KRT28: variants seen among roughly 807,000 people sequenced by gnomAD.
KRT28 encodes the protein keratin, type I cytoskeletal 28.
A neutral mutation model predicts 48.1 loss-of-function variants in KRT28; 45 were observed. That is an observed-to-expected ratio of 0.94 (90% CI 0.74 to 1.20). The LOEUF (loss-of-function observed/expected upper bound fraction) is 1.20. Ranked by LOEUF, KRT28 falls within the 50% of genes most tolerant of loss-of-function variation. The pLI is 0.00. For synonymous variants in KRT28, 228 were observed against 227.4 expected (o/e 1.00, Z -0.03); for missense variants, 571 against 574.1 (o/e 0.99, Z 0.06).
Position 40,799,688 on chromosome 17 carries a change from G to T in KRT28, c.206C>A (p.Ala69Asp), listed in dbSNP as rs2143082035. Reference sequence around the variant, plus strand: ...GCTTCCAGCAAAGCCAATACAAGCAGCATTTCCAAGGGCACCACCAGCATG... The same window carrying T: ...GCTTCCAGCAAAGCCAATACAAGCATCATTTCCAAGGGCACCACCAGCATG... ...GSHAGGALGN[A>D]ACIGFAGSEG... Residue 69 changes from alanine to aspartate, a missense_variant, in exon 1 of 8, where the codon GCT (alanine) becomes GAT (aspartate). Transcript: ENST00000306658. The T allele has an allele frequency of 1.2e-6, 2 of 1,614,044 alleles. No individual in the cohort carries two copies. Among genetic ancestry groups the T allele is most frequent in the South Asian group, 1.1e-5 (1 of 91,066 alleles).
chr17:40,798,253 G>A lies in KRT28; in HGVS notation c.672C>T (p.Leu224=). ...CTCCTACCTCTTCGTGGTTCTTTTT[G>A]AGATATGTCATCTCCTCACTCAGAG... ...YESLSEEMTY[L]KKNHEEEMKA... is the part of the protein sequence containing the mutation. Residue 224 remains leucine, a synonymous_variant, in exon 3 of 8, where the codon CTC becomes CTT. Transcript: ENST00000306658. 6.2e-7 allele frequency: 1 copy of A among 1,605,142 alleles called. No homozygotes were observed. Among genetic ancestry groups the A allele is most frequent in the South Asian group, 1.1e-5 (1 of 90,820 alleles).
At chr17:40,797,964 C>T (rs1904655261) in intron 3 of KRT28, among the ~76,000 whole-genome samples, 1 of 152,092 alleles carries the variant, frequency 6.6e-6, no homozygotes, top group African/African-American at 2.4e-5. Flanking sequence ...AATCCTGGCC[C>T]TCATAGGCAT....
chr17:40,792,501 A>T lies in KRT28; in HGVS notation c.1321T>A (p.Ser441Thr), dbSNP rs757471236. ...ELDQRGKVLS[S>T]RIHSIEEKTS... ...TTTTCTTCAATGGAGTGAATCCTTGATGAAAGAACTTTACCACGTTGATCT... is the reference window on the plus strand; with the variant it reads ...TTTTCTTCAATGGAGTGAATCCTTGTTGAAAGAACTTTACCACGTTGATCT... Residue 441 changes from serine (S) to threonine (T), a missense_variant, in exon 8 of 8, where the codon TCA becomes ACA. Transcript: ENST00000306658. The T allele has an allele frequency of 8.7e-6, 14 of 1,613,454 alleles. No individual in the cohort carries two copies. Among genetic ancestry groups the T allele is most frequent in the Non-Finnish European group, 1.2e-5 (14 of 1,179,720 alleles).
rs1406849215 is a variant in KRT28, at chr17:40,799,654, T to TC, written c.239dup (p.Leu81ThrfsTer6). 6.2e-7 allele frequency: 1 copy of TC among 1,613,088 alleles called. No individual in the cohort carries two copies. The highest frequency in any genetic ancestry group is 1.3e-5 in the African/African-American group (1 of 74,598). On this transcript the variant is annotated frameshift_variant, in exon 1 of 8. Transcript: ENST00000306658. LOFTEE classifies it high-confidence loss of function. ...TCACCTTCTCATTTCCAGAGAGGAG[T>TC]CCCCCTTCGCTTCCAGCAAAGCCAA...
chr17:40,793,933 G>C lies in KRT28; in HGVS notation c.1092C>G (p.Thr364=), dbSNP rs756835671. The C allele has an allele frequency of 1.2e-6, 2 of 1,613,924 alleles. No homozygotes were observed. Among genetic ancestry groups the C allele is most frequent in the Middle Eastern group, 3.3e-4 (2 of 6,056 alleles). The change falls in exon 6 of 8, where the codon ACC becomes ACG. Residue 364 remains threonine, a synonymous_variant. Coordinates refer to ENST00000306658, the MANE Select transcript of KRT28 (RefSeq NM_181535.3). ...ALEEQLHQVR[T]ETEGQKLEYE... ...ACTCCAGCTTCTGGCCCTCGGTCTCGGTTCTGACCTGGTGCAGCTGCTCCT... is the reference window on the plus strand; with the variant it reads ...ACTCCAGCTTCTGGCCCTCGGTCTCCGTTCTGACCTGGTGCAGCTGCTCCT...
chr17:40,794,935 T>C (rs1010579708), intron 5 of KRT28, among the ~76,000 whole-genome samples: 1 of 152,240 alleles, frequency 6.6e-6, no homozygotes, highest in Non-Finnish European at 1.5e-5. Flanking sequence ...CATTACATTT[T>C]CTAGGGTAGT....
chr17:40,794,176 A>G lies in KRT28; in HGVS notation c.979-130T>C, dbSNP rs890685920. 1.5e-5 allele frequency: 16 copies of G among 1,087,396 alleles called. No homozygotes were observed. The Admixed American group carries it at 3.6e-4, about 24-fold the overall frequency. The allele number at this position is 1,087,396 out of a possible 1,614,324, so 67.4% of individuals were successfully genotyped here. A position where few individuals can be genotyped will look rare whatever the true frequency, so the allele number is the denominator to read the frequency against. On this transcript the variant is annotated intron_variant, in intron 5 of 7. Coordinates refer to ENST00000306658, the MANE Select transcript of KRT28 (RefSeq NM_181535.3). The stretch of plus-strand genomic sequence containing the variant: ...AATTTGTGAGGCTTGTCACAATCAA[A>G]TGGGAAAGAAAGGAGGCTGGCATTT...
In KRT28 at chr17:40,793,925, T is replaced by A. The variant is rs1409805086; in HGVS notation, c.1100A>T (p.Glu367Val). 1 of 1,613,830 alleles carries A rather than the reference T, an allele frequency of 6.2e-7. No individual in the cohort carries two copies. Among genetic ancestry groups the A allele is most frequent in the East Asian group, 2.2e-5 (1 of 44,898 alleles). The change falls in exon 6 of 8, where the codon GAG becomes GTG. Residue 367 changes from glutamate (E) to valine (V), a missense_variant. Transcript: ENST00000306658. ...ATGCTCATACTCCAGCTTCTGGCCC[T>A]CGGTCTCGGTTCTGACCTGGTGCAG... is the stretch of plus-strand genomic sequence containing the variant. ...EQLHQVRTET[E>V]GQKLEYEHLL...
At chr17:40,799,406 T>C (rs1158554206) in intron 1 of KRT28, 38 bp downstream of exon 1, 2 of 1,484,570 alleles carry the variant, frequency 1.3e-6, no homozygotes, top group Non-Finnish European at 1.8e-6. Flanking sequence ...TTCTTAGTTT[T>C]AAATACTTGG....
intron 5 of KRT28, among the ~76,000 whole-genome samples, chr17:40,796,648 C>G (rs1371264876): frequency 6.6e-6 from 1 of 152,046 alleles, no homozygotes; most frequent in East Asian, 1.9e-4. Context: ...GCTGAATTAC[C>G]CTGAGAAAGG....
chr17:40,794,165 G>A (rs574817880), intron 5 of KRT28, 119 bp from the exon 6 acceptor site: 2 of 1,189,458 alleles, frequency 1.7e-6, no homozygotes, highest in South Asian at 1.4e-5. Context: ...TGTGAGGCTT[G>A]TCACAATCAA....
intron 5 of KRT28, 66 bp from the exon 6 acceptor site, chr17:40,794,112 C>T: frequency 6.4e-7 from 1 of 1,573,820 alleles, no homozygotes; most frequent in Non-Finnish European, 8.7e-7. Context: ...AACATTGTTT[C>T]TCAGTAATCA....
Position 40,799,602 on chromosome 17 carries a change from C to A in KRT28, c.292G>T (p.Ala98Ser). 6.2e-7 allele frequency: 1 copy of A among 1,614,180 alleles called. No individual in the cohort carries two copies. The highest frequency in any genetic ancestry group is 8.5e-7 in the Non-Finnish European group (1 of 1,180,030). Residue 98 changes from alanine to serine, a missense_variant, in exon 1 of 8, where the codon GCA becomes TCA. Ala to Ser is a moderately conservative substitution (Grantham distance 99). Transcript: ENST00000306658. Reference sequence around the variant, plus strand: ...GCTCGCACATTATCCAGGTAGGATGCCAAGCGGTCATTAAGATTTTGCATG... The same window carrying A: ...GCTCGCACATTATCCAGGTAGGATGACAAGCGGTCATTAAGATTTTGCATG... ...VTMQNLNDRL[A>S]SYLDNVRALE...
chr17:40,793,440 T>C (rs1274018003), intron 6 of KRT28, among the ~76,000 whole-genome samples: 1 of 152,080 alleles, frequency 6.6e-6, no homozygotes, highest in East Asian at 1.9e-4. Context: ...CCCAAGAATT[T>C]AAAACTTAAG....
At chr17:40,792,591 A>G (rs1247284771) in intron 7 of KRT28, 22 bp from the exon 8 acceptor site, 3 of 1,573,120 alleles carry the variant, frequency 1.9e-6, no homozygotes, top group East Asian at 2.3e-5. Context: ...ACATAGGCAT[A>G]CATATATTCA....
Position 40,796,945 on chromosome 17 carries a change from C to T in KRT28, c.949G>A (p.Glu317Lys). Residue 317 changes from glutamate (E) to lysine (K), a missense_variant, in exon 5 of 8, where the codon GAG becomes AAG. By Grantham distance (56) the Glu-to-Lys change is moderately conservative (BLOSUM62 1). Coordinates refer to ENST00000306658, the MANE Select transcript of KRT28 (RefSeq NM_181535.3). ...GCCATCAGGGACTGCAGCTGGATCT[C>T]CAGGGTCTGCAGGGTGCGCCTCATC... ...TEMRRTLQTL[E>K]IQLQSLMATK... 6.2e-7 allele frequency: 1 copy of T among 1,610,426 alleles called. No homozygotes were observed. The highest frequency in any genetic ancestry group is 1.1e-5 in the South Asian group (1 of 90,890).
In KRT28 at chr17:40,799,771, A is replaced by G. The variant is rs1009603065; in HGVS notation, c.123T>C (p.Ala41=). The change falls in exon 1 of 8, where the codon GCT becomes GCC. Residue 41 remains alanine (A), a synonymous_variant. Transcript: ENST00000306658. ...AGSSACGGSV[A]GSEFSCALGG... ...CCAAGGCACAGGAAAATTCACTTCC[A>G]GCAACAGAGCCACCACATGCACTGC... 1.2e-6 allele frequency: 2 copies of G among 1,613,988 alleles called. No homozygotes were observed. The highest frequency in any genetic ancestry group is 2.2e-5 in the East Asian group (1 of 44,890).
At chr17:40,792,618 G>C in intron 7 of KRT28, 49 bp from the exon 8 acceptor site, 1 of 1,399,034 alleles carries the variant, frequency 7.1e-7, no homozygotes, top group Non-Finnish European at 9.9e-7. Context: ...AAGATTACAT[G>C]ACAATTCCAC....
rs758750232 is a variant in KRT28, at chr17:40,797,117, C to A, written c.852+3G>T. On this transcript the variant is annotated splice_donor_region_variant and intron_variant, in intron 4 of 7. Transcript: ENST00000306658. ...GTGAGCAGGGAGACGGGGCCCACCT[C>A]ACCTTCTCATTGAACCAGGCCTCCG... 6.2e-7 allele frequency: 1 copy of A among 1,613,530 alleles called. No individual in the cohort carries two copies. The highest frequency in any genetic ancestry group is 8.5e-7 in the Non-Finnish European group (1 of 1,179,636).
Sources: gnomAD v4.1 joint callset for allele counts (sites outside exome capture counted in the v4.1 genomes callset) on GRCh38, gnomAD v4.1.1 for gene constraint, MANE v1.5 for transcripts, NCBI Gene and HGNC (gene_info 2026-07-23, HGNC 2026-07-21) for gene names.